The following ARHGAP28 variants were observed in gnomAD, a reference collection of about 807,000 sequenced individuals.
The protein encoded by ARHGAP28 is rho GTPase-activating protein 28.
A neutral mutation model predicts 90.7 loss-of-function variants in ARHGAP28; 56 were observed. The observed-to-expected ratio is 0.62, with a 90% CI of 0.50 to 0.77. ARHGAP28 has a LOEUF of 0.77. Ranked by LOEUF, ARHGAP28 falls within the 30% of genes least tolerant of loss-of-function variation. The probability of loss-of-function intolerance (pLI) is 0.00; values close to 1 mark genes in which losing one functional copy is unlikely to be tolerated. For missense variants in ARHGAP28, 869 were observed against 900.9 expected, an observed-to-expected ratio of 0.96 and a Z score of 0.45; for synonymous variants, 308 against 323.3, an observed-to-expected ratio of 0.95 and a Z score of 0.51.
intron 1 of ARHGAP28, among the ~76,000 whole-genome samples, chr18:6,745,573 C>T (rs988935304): frequency 6.6e-6 from 1 of 152,134 alleles, no homozygotes; most frequent in Non-Finnish European, 1.5e-5. Context: ...AACTACCATC[C>T]AAAACAAGAT....
intron 1 of ARHGAP28, among the ~76,000 whole-genome samples, chr18:6,780,584 T>C (rs2056316519): frequency 6.6e-6 from 1 of 151,918 alleles, no homozygotes; most frequent in African/African-American, 2.4e-5. Context: ...CAATGGAGGC[T>C]GAGAAAAAAA....
rs776937358 is a variant in ARHGAP28, at chr18:6,841,167, C to CCTCTCTCTCTCT, written c.543+3755_543+3766dup. On this transcript the variant is annotated intron_variant, in intron 3 of 17. Coordinates refer to ENST00000383472, the MANE Select transcript of ARHGAP28 (RefSeq NM_001366230.1). Reference sequence around the variant, plus strand: ...CTGTCTCTCTCCTCTTTCTCTCTCTCCTCTCTCTCTCTCCTCTCTCTCTCT... The same window carrying CCTCTCTCTCTCT: ...CTGTCTCTCTCCTCTTTCTCTCTCTCCTCTCTCTCTCTCTCTCTCTCTCTCCTCTCTCTCTCT... 7.5e-5 allele frequency among the ~76,000 whole-genome samples: 6 copies of CCTCTCTCTCTCT among 79,996 alleles called. 1 individual carries two copies. Among genetic ancestry groups the CCTCTCTCTCTCT allele is most frequent in the South Asian group, 3.9e-4 (1 of 2,534 alleles). The allele number at this position is 79,996 out of a possible 152,430, so 52.5% of individuals were successfully genotyped here.
chr18:6,736,543 C>T (rs2055928934), intron 1 of ARHGAP28, among the ~76,000 whole-genome samples: 1 of 151,300 alleles, frequency 6.6e-6, no homozygotes, highest in East Asian at 2.0e-4. Flanking sequence ...AGTTCGAGAC[C>T]AGCCTGACTA....
At chr18:6,775,339 T>C (rs2143438882) in intron 1 of ARHGAP28, among the ~76,000 whole-genome samples, 1 of 152,344 alleles carries the variant, frequency 6.6e-6, no homozygotes, top group South Asian at 2.1e-4. Flanking sequence ...ACAAAGTGTG[T>C]TTATCGTTTC....
intron 16 of ARHGAP28, 126 bp from the exon 17 acceptor site, chr18:6,908,834 T>C: frequency 1.5e-6 from 1 of 656,736 alleles, no homozygotes; most frequent in Non-Finnish European, 2.7e-6. Context: ...TCAGTCATGA[T>C]ACAGTTTTGT....
chr18:6,874,362 G>C (rs185518922), intron 9 of ARHGAP28, among the ~76,000 whole-genome samples: 17 of 152,278 alleles, frequency 1.1e-4, no homozygotes, highest in Admixed American at 1.1e-3. Context: ...GTGGAAGGAG[G>C]TTTCGAAAAT....
chr18:6,890,986 A>G (rs946497597), intron 14 of ARHGAP28, among the ~76,000 whole-genome samples: 2 of 152,230 alleles, frequency 1.3e-5, no homozygotes, highest in African/African-American at 4.8e-5. Context: ...CAAGGAATTC[A>G]GAGTTTTGTT....
intron 1 of ARHGAP28, among the ~76,000 whole-genome samples, chr18:6,808,956 A>G (rs1479892237): frequency 6.6e-6 from 1 of 152,142 alleles, no homozygotes; most frequent in Non-Finnish European, 1.5e-5. Context: ...TCCTAAAGCA[A>G]TATCTCTTCA....
At chr18:6,868,650 C>T (rs1453490723) in intron 6 of ARHGAP28, among the ~76,000 whole-genome samples, 1 of 152,004 alleles carries the variant, frequency 6.6e-6, no homozygotes, top group Non-Finnish European at 1.5e-5. Flanking sequence ...TTATCTGCGC[C>T]TCTTCCGCTT....
intron 16 of ARHGAP28, chr18:6,897,451 C>G (rs990983247): frequency 6.6e-6 from 1 of 152,144 alleles, no homozygotes; most frequent in African/African-American, 2.4e-5. Context: ...CCATGATCAC[C>G]TTAAAGGGGC....
chr18:6,777,528 G>T (rs1040266368), intron 1 of ARHGAP28, among the ~76,000 whole-genome samples: 34 of 152,228 alleles, frequency 2.2e-4, no homozygotes, highest in African/African-American at 7.9e-4. Context: ...TTCAGGATCA[G>T]CCTGGGCAAC....
intron 4 of ARHGAP28, among the ~76,000 whole-genome samples, chr18:6,855,624 G>A (rs1010308286): frequency 6.6e-6 from 1 of 152,216 alleles, no homozygotes; most frequent in Non-Finnish European, 1.5e-5. Context: ...CATAAACAGG[G>A]CTGAAACACG....
intron 16 of ARHGAP28, among the ~76,000 whole-genome samples, chr18:6,906,037 T>G (rs2057363021): frequency 6.6e-6 from 1 of 152,168 alleles, no homozygotes; most frequent in African/African-American, 2.4e-5. Context: ...TGCACAAGCT[T>G]ATTCTACAAA....
chr18:6,815,473 A>G (rs1207281732), intron 1 of ARHGAP28, among the ~76,000 whole-genome samples: 1 of 152,228 alleles, frequency 6.6e-6, no homozygotes, highest in African/African-American at 2.4e-5. Context: ...TTGAGATACA[A>G]TTCATATAAC....
At chr18:6,909,248 G>GTGTTT (rs1555637470) in intron 17 of ARHGAP28, among the ~76,000 whole-genome samples, 1 of 121,262 alleles carries the variant, frequency 8.2e-6, no homozygotes, top group African/African-American at 3.1e-5. Context: ...GTAGGCTTGG[G>GTGTTT]TCTTTTCTTT....
chr18:6,886,428 G>A (rs930180696), intron 11 of ARHGAP28, among the ~76,000 whole-genome samples: 6 of 152,058 alleles, frequency 3.9e-5, no homozygotes, highest in Admixed American at 6.5e-5. Context: ...ACCCTCTGGC[G>A]CCATCTTGTG....
chr18:6,729,787 T>C lies in ARHGAP28; in HGVS notation c.-35T>C, dbSNP rs1238230671. 2 of 1,371,408 alleles carry C rather than the reference T, an allele frequency of 1.5e-6. No individual in the cohort carries two copies. The highest frequency in any genetic ancestry group is 1.9e-6 in the Non-Finnish European group (2 of 1,065,396). 85.0% of individuals were successfully genotyped at this position (1,371,408 alleles called of 1,614,324 possible). ...CGGTCCATGCTGGTCCCGGTCTTTG[T>C]TCTGGGGCCGGCGCCGAGACATGCG... On this transcript the variant is annotated 5_prime_UTR_variant, in exon 1 of 18. Transcript: ENST00000383472.
intron 9 of ARHGAP28, 121 bp from the exon 10 acceptor site, chr18:6,876,010 A>G (rs929453670): frequency 8.5e-5 from 66 of 777,874 alleles, no homozygotes; most frequent in Non-Finnish European, 1.3e-4. Context: ...CACAGCATTC[A>G]AGTGCCAGGC....
In ARHGAP28 at chr18:6,730,221, G is replaced by GTATATGTATATA. The variant is rs2055867494; in HGVS notation, c.122+283_122+284insGTATATATATAT. Reference sequence around the variant, plus strand: ...GATACGATTTGAGGATAAGTCATGTGTATATATATATATATACCTCATTTC... The same window carrying GTATATGTATATA: ...GATACGATTTGAGGATAAGTCATGTGTATATGTATATATATATATATATATATACCTCATTTC... On this transcript the variant is annotated intron_variant, in intron 1 of 17. Coordinates refer to ENST00000383472, the MANE Select transcript of ARHGAP28 (RefSeq NM_001366230.1). The GTATATGTATATA allele has an allele frequency of 4.1e-5, 7 of 172,250 alleles. 2 individuals carry two copies. Among genetic ancestry groups the GTATATGTATATA allele is most frequent in the African/African-American group, 2.0e-4 (7 of 34,596 alleles). 10.7% of individuals were successfully genotyped at this position (172,250 alleles called of 1,614,324 possible). A position where few individuals can be genotyped will look rare whatever the true frequency, so the allele number is the denominator to read the frequency against.
Sources: allele counts gnomAD v4.1 joint callset (sites outside exome capture counted in the v4.1 genomes callset), GRCh38; gene constraint gnomAD v4.1.1; transcripts MANE v1.5; gene names NCBI Gene and HGNC (gene_info 2026-07-23, HGNC 2026-07-21).